ZER1: variants seen among roughly 807,000 people sequenced by gnomAD.
The protein encoded by ZER1 is zyg-11 related cell cycle regulator.
A neutral mutation model predicts 78.8 loss-of-function variants in ZER1; 11 were observed. That is an observed-to-expected ratio of 0.14 (90% CI 0.09 to 0.23). The LOEUF (loss-of-function observed/expected upper bound fraction) is 0.23. ZER1 is among the 10% of genes least tolerant of loss of function. The probability of loss-of-function intolerance (pLI) is 1.00; values close to 1 mark genes in which losing one functional copy is unlikely to be tolerated. For synonymous variants in ZER1, 400 were observed against 407.0 expected (o/e 0.98, Z 0.21); for missense variants, 588 against 996.9 (o/e 0.59, Z 5.52).
intron 13 of ZER1, among the ~76,000 whole-genome samples, chr9:128,736,432 C>T (rs1213458564): frequency 4.1e-5 from 6 of 145,880 alleles, no homozygotes; most frequent in Non-Finnish European, 6.0e-5. Context: ...CTCACTCTGT[C>T]GCCCAGGCTG....
chr9:128,741,517 G>C lies in ZER1; in HGVS notation c.1737+18C>G. 6.2e-7 allele frequency: 1 copy of C among 1,613,996 alleles called. No individual in the cohort carries two copies. The highest frequency in any genetic ancestry group is 1.3e-5 in the African/African-American group (1 of 75,058). Reference sequence around the variant, plus strand: ...GTGGGCAGCTGAGGCAGCTGCTGCTGCAGGAGGTGGACACTACCTTCAGGC... The same window carrying C: ...GTGGGCAGCTGAGGCAGCTGCTGCTCCAGGAGGTGGACACTACCTTCAGGC... On this transcript the variant is annotated intron_variant, in intron 11 of 15. Transcript: ENST00000291900.
intron 1 of ZER1, among the ~76,000 whole-genome samples, chr9:128,760,770 T>TGACACTGCACTCCAGCCTGGC (rs1409106606): frequency 2.2e-5 from 3 of 138,488 alleles, no homozygotes; most frequent in Non-Finnish European, 4.7e-5. Flanking sequence ...TCCAGCCTGG[T>TGACACTGCACTCCAGCCTGGC]GACACTGCAC....
chr9:128,734,989 C>T (rs1414224154), intron 14 of ZER1, among the ~76,000 whole-genome samples: 1 of 152,166 alleles, frequency 6.6e-6, no homozygotes, highest in Non-Finnish European at 1.5e-5. Flanking sequence ...CTCCAGACCT[C>T]AGGCAATTCT....
rs1211966231 is a variant in ZER1 at position 128,753,798 on chromosome 9, G to A, written c.309+11C>T. ...TGGGCCCTCCTGGCGCTGTGGCGGG[G>A]CAGGTCTCACCTGCTTGCGGATGGC... On this transcript the variant is annotated intron_variant, in intron 3 of 15. Transcript: ENST00000291900. The surrounding 1 kb of genome is among the most constrained non-coding windows in gnomAD (Gnocchi z 7.5). The A allele has an allele frequency of 1.3e-6, 2 of 1,560,994 alleles. No homozygotes were observed. The highest frequency in any genetic ancestry group is 1.7e-6 in the Non-Finnish European group (2 of 1,155,354).
intron 13 of ZER1, among the ~76,000 whole-genome samples, chr9:128,738,823 A>AG (rs1266217596): frequency 3.4e-5 from 5 of 147,646 alleles, no homozygotes; most frequent in African/African-American, 1.2e-4. Flanking sequence ...GTGGGACTAC[A>AG]GGTGTGCACC....
At chr9:128,735,119 C>T (rs996224736) in intron 14 of ZER1, among the ~76,000 whole-genome samples, 4 of 152,240 alleles carry the variant, frequency 2.6e-5, no homozygotes, top group African/African-American at 7.2e-5. Flanking sequence ...GAACTCTGCA[C>T]AGGTATTTCG....
Position 128,750,609 on chromosome 9 carries a change from G to T in ZER1, c.1359+7C>A. ...AGCATGCGGGGCCGTGGCGGGTGGG[G>T]GCTCACCGTCACCTCCTGGTAGGAT... On this transcript the variant is annotated splice_region_variant and intron_variant, in intron 8 of 15. Transcript: ENST00000291900. The T allele has an allele frequency of 6.2e-7, 1 of 1,612,520 alleles. No individual in the cohort carries two copies. The highest frequency in any genetic ancestry group is 1.1e-5 in the South Asian group (1 of 91,058).
chr9:128,738,287 G>A (rs1267665355), intron 13 of ZER1, among the ~76,000 whole-genome samples: 2 of 139,894 alleles, frequency 1.4e-5, no homozygotes, highest in Non-Finnish European at 3.0e-5. Context: ...CTCATGATCT[G>A]CCCGCCTCTG....
intron 1 of ZER1, among the ~76,000 whole-genome samples, chr9:128,768,173 A>G (rs531515807): frequency 1.3e-5 from 2 of 152,112 alleles, no homozygotes; most frequent in East Asian, 3.9e-4. Flanking sequence ...CGCCAGATAT[A>G]AGACAGTGGT....
intron 9 of ZER1, among the ~76,000 whole-genome samples, chr9:128,742,116 C>T (rs1023044383): frequency 1.3e-5 from 2 of 152,238 alleles, no homozygotes; most frequent in Non-Finnish European, 2.9e-5. Flanking sequence ...AGCTTCGCTG[C>T]CATCAAATGA....
intron 1 of ZER1, among the ~76,000 whole-genome samples, chr9:128,760,935 G>A (rs1022929505): frequency 2.0e-5 from 3 of 151,968 alleles, no homozygotes; most frequent in East Asian, 3.9e-4. Flanking sequence ...CGAGGCAGGC[G>A]AATCATGAGG....
intron 1 of ZER1, among the ~76,000 whole-genome samples, chr9:128,770,842 G>A (rs1340856747): frequency 1.3e-5 from 2 of 152,064 alleles, no homozygotes; most frequent in Admixed American, 6.6e-5. Context: ...ATTTTCCCAA[G>A]ACATCAGACA....
rs1863603703 is a variant in ZER1, at chr9:128,749,334, T to A, written c.1359+1282A>T. On this transcript the variant is annotated intron_variant, in intron 8 of 15. Coordinates refer to ENST00000291900, the MANE Select transcript of ZER1 (RefSeq NM_006336.4). ...AGAGTAAGACTCCATCTCGAAAAAA[T>A]AAATAAATAAAAATTATTGTTTGAT... Among the ~76,000 whole-genome samples, 3 of 151,562 alleles carry A rather than the reference T, an allele frequency of 2.0e-5. No homozygotes were observed. The South Asian group carries it at 6.3e-4, about 32-fold the overall frequency.
At chr9:128,750,495 CT>C in intron 8 of ZER1, 120 bp downstream of exon 8, 2 of 1,174,720 alleles carry the variant, frequency 1.7e-6, no homozygotes, top group Non-Finnish European at 2.4e-6. Flanking sequence ...GGGAGTGCTG[CT>C]GTGGGAAAGG....
At chr9:128,757,442 A>G (rs1486233664) in intron 1 of ZER1, among the ~76,000 whole-genome samples, 1 of 151,924 alleles carries the variant, frequency 6.6e-6, no homozygotes, top group Non-Finnish European at 1.5e-5. Context: ...GGATCACCTG[A>G]GCCCAAGAGG....
intron 13 of ZER1, among the ~76,000 whole-genome samples, chr9:128,738,974 C>T (rs1863192338): frequency 6.6e-6 from 1 of 151,544 alleles, no homozygotes; most frequent in South Asian, 2.1e-4. Flanking sequence ...GCCTCAGCCT[C>T]CTGAGTAGCT....
Position 128,754,032 on chromosome 9 carries a change from C to T in ZER1, c.159-73G>A, listed in dbSNP as rs1213723361. 2.6e-6 allele frequency: 4 copies of T among 1,519,938 alleles called. No individual in the cohort carries two copies. In the Admixed American group the frequency reaches 8.3e-5, roughly 32 times the overall value. The allele number at this position is 1,519,938 out of a possible 1,614,324, so 94.2% of individuals were successfully genotyped here. On this transcript the variant is annotated intron_variant, in intron 2 of 15. Coordinates refer to ENST00000291900, the MANE Select transcript of ZER1 (RefSeq NM_006336.4). The surrounding 1 kb of genome is among the most constrained non-coding windows in gnomAD (Gnocchi z 4.3). ...ATCCTCGCTTCAAAGCCAAGCCCTC[C>T]TCCCCCTGAAGCTTTCTTGGATCAC...
chr9:128,742,441 GGCCCT>G lies in ZER1; in HGVS notation c.1575+84_1575+88del. ...TCTCCCTCTCCGACTCCCAGCCCCA[GGCCCT>G]GCTCTGAGACTCTCGCTCAGGGTAG... On this transcript the variant is annotated intron_variant, in intron 9 of 15. Transcript: ENST00000291900. 2.0e-6 allele frequency: 3 copies of G among 1,484,788 alleles called. No homozygotes were observed. The South Asian group carries it at 3.5e-5, about 18-fold the overall frequency. The allele number at this position is 1,484,788 out of a possible 1,614,324, so 92.0% of individuals were successfully genotyped here. A position where few individuals can be genotyped will look rare whatever the true frequency, so the allele number is the denominator to read the frequency against.
intron 13 of ZER1, among the ~76,000 whole-genome samples, chr9:128,738,055 T>C (rs1286995525): frequency 6.8e-6 from 1 of 146,874 alleles, no homozygotes; most frequent in African/African-American, 2.5e-5. Context: ...TTTTATTTAT[T>C]TATTTTTGAG....
Sources: allele counts gnomAD v4.1 joint callset (sites outside exome capture counted in the v4.1 genomes callset), GRCh38; gene constraint gnomAD v4.1.1; non-coding constraint Gnocchi (gnomAD v3.1); transcripts MANE v1.5; gene names NCBI Gene and HGNC (gene_info 2026-07-23, HGNC 2026-07-21).